Variants in DPP10 observed in about 807,000 individuals in gnomAD.
DPP10 encodes dipeptidyl peptidase like 10.
DPP10 carries 33 observed loss-of-function variants against 120.9 expected under a neutral mutation model. The ratio of observed to expected loss-of-function variants is 0.27; its 90% CI spans 0.21 to 0.37. The LOEUF is 0.37. DPP10 is among the 10% of genes least tolerant of loss of function. The pLI, the probability that DPP10 is intolerant of heterozygous loss-of-function variation, is 1.00. For synonymous variants in DPP10, 337 were observed against 326.1 expected (o/e 1.03, Z -0.36); for missense variants, 816 against 942.8 (o/e 0.87, Z 1.76).
chr2:114,876,049 A>C (rs991222354), intron 1 of DPP10, among the ~76,000 whole-genome samples: 5 of 152,136 alleles, frequency 3.3e-5, no homozygotes, highest in Non-Finnish European at 7.3e-5. Context: ...AACTACGGAT[A>C]AAGTAAATGA....
chr2:115,633,732 A>G (rs1280368285), intron 5 of DPP10, among the ~76,000 whole-genome samples: 1 of 151,854 alleles, frequency 6.6e-6, no homozygotes, highest in Non-Finnish European at 1.5e-5. Flanking sequence ...CTTCATTTCA[A>G]CCTTGGAGAA....
At chr2:115,292,306 CAT>C (rs2060691056) in intron 1 of DPP10, among the ~76,000 whole-genome samples, 1 of 152,170 alleles carries the variant, frequency 6.6e-6, no homozygotes, top group African/African-American at 2.4e-5. Context: ...ATTTATAATG[CAT>C]AGTCTAAACT....
chr2:115,067,043 T>C (rs1417296155), intron 1 of DPP10, among the ~76,000 whole-genome samples: 1 of 149,432 alleles, frequency 6.7e-6, no homozygotes, highest in Non-Finnish European at 1.5e-5. Flanking sequence ...TTTATGTCAT[T>C]TTACCAATGT....
chr2:115,690,714 T>G (rs1322366897), intron 7 of DPP10, among the ~76,000 whole-genome samples: 1 of 152,216 alleles, frequency 6.6e-6, no homozygotes, highest in Non-Finnish European at 1.5e-5. Flanking sequence ...GAGCCCCGCC[T>G]GCAATATTAT....
intron 3 of DPP10, among the ~76,000 whole-genome samples, chr2:115,350,531 G>A (rs2063956422): frequency 6.6e-6 from 1 of 152,076 alleles, no homozygotes; most frequent in Admixed American, 6.6e-5. Context: ...TATGGTAGAT[G>A]CATTCAGCTA....
At chr2:115,582,906 A>G (rs1010640985) in intron 5 of DPP10, among the ~76,000 whole-genome samples, 1 of 152,320 alleles carries the variant, frequency 6.6e-6, no homozygotes, top group East Asian at 1.9e-4. Context: ...AATATCTGGC[A>G]TCTACTAGGA....
chr2:114,525,804 A>T (rs541582711), intron 1 of DPP10, among the ~76,000 whole-genome samples: 2 of 152,308 alleles, frequency 1.3e-5, no homozygotes, highest in Admixed American at 1.3e-4. Flanking sequence ...TATTTAGCAA[A>T]TAGCCAAATC....
intron 13 of DPP10, among the ~76,000 whole-genome samples, chr2:115,775,571 G>C (rs1324479909): frequency 6.6e-6 from 1 of 151,978 alleles, no homozygotes; most frequent in Non-Finnish European, 1.5e-5. Context: ...TCCACATCAG[G>C]GAAAGGTTGT....
chr2:114,660,539 G>A (rs1227722120), intron 1 of DPP10, among the ~76,000 whole-genome samples: 1 of 152,128 alleles, frequency 6.6e-6, no homozygotes, highest in African/African-American at 2.4e-5. Context: ...TATAGGAAGT[G>A]CAAAGGGCTT....
At chr2:114,913,425 G>GA (rs1163033843) in intron 1 of DPP10, among the ~76,000 whole-genome samples, 7 of 152,172 alleles carry the variant, frequency 4.6e-5, no homozygotes, top group South Asian at 2.1e-4. Flanking sequence ...AGGGGCCAGA[G>GA]AAAAAAGCCG....
intron 1 of DPP10, among the ~76,000 whole-genome samples, chr2:115,074,636 G>A (rs1171043797): frequency 6.6e-6 from 1 of 152,174 alleles, no homozygotes; most frequent in African/African-American, 2.4e-5. Context: ...AAGGATGGGA[G>A]GGGAGCAAAT....
intron 1 of DPP10, among the ~76,000 whole-genome samples, chr2:114,646,651 C>T (rs777060795): frequency 2.0e-5 from 3 of 152,218 alleles, no homozygotes; most frequent in Non-Finnish European, 4.4e-5. Context: ...CTAAGTCCTA[C>T]TCATTTCCAA....
intron 1 of DPP10, among the ~76,000 whole-genome samples, chr2:114,948,162 C>T (rs770450079): frequency 3.3e-5 from 5 of 151,962 alleles, no homozygotes; most frequent in Non-Finnish European, 7.4e-5. Context: ...ATTCTGGGAG[C>T]GTGCTTTGAC....
At chr2:114,729,543 T>TAC (rs1676683968) in intron 1 of DPP10, among the ~76,000 whole-genome samples, 1 of 152,212 alleles carries the variant, frequency 6.6e-6, no homozygotes, top group East Asian at 1.9e-4. Flanking sequence ...AGCCCAAAGT[T>TAC]TGGTCCCCAC....
chr2:114,602,728 G>A lies in DPP10; in HGVS notation c.60+159890G>A, dbSNP rs533829077. Among the ~76,000 whole-genome samples the A allele has an allele frequency of 2.0e-5, 3 of 152,138 alleles. No individual in the cohort carries two copies. In the East Asian group the frequency reaches 5.8e-4, roughly 29 times the overall value. On this transcript the variant is annotated intron_variant, in intron 1 of 25. Transcript: ENST00000410059. The stretch of plus-strand genomic sequence containing the variant: ...TATTCTTCAATTTCATGAGTAGAGA[G>A]TGGTGTACGTGAGAATAATTTATAA...
chr2:115,653,946 C>G (rs2088044769), intron 5 of DPP10, among the ~76,000 whole-genome samples: 1 of 151,788 alleles, frequency 6.6e-6, no homozygotes, highest in African/African-American at 2.4e-5. Context: ...CCAAGGTCAC[C>G]CAGTTAATAA....
At chr2:115,002,320 A>C (rs150566521) in intron 1 of DPP10, among the ~76,000 whole-genome samples, 188 of 152,322 alleles carry the variant, frequency 1.2e-3, no homozygotes, top group Non-Finnish European at 2.2e-3. Flanking sequence ...GATTAGCCAT[A>C]CGGAGTGGTT....
intron 3 of DPP10, among the ~76,000 whole-genome samples, chr2:115,391,467 G>A (rs149866686): frequency 6.6e-6 from 1 of 152,258 alleles, no homozygotes; most frequent in African/African-American, 2.4e-5. Flanking sequence ...GAAGTAGTAT[G>A]TGAAATGGCT....
At chr2:115,827,233 T>C (rs1419510125) in intron 21 of DPP10, among the ~76,000 whole-genome samples, 1 of 151,184 alleles carries the variant, frequency 6.6e-6, no homozygotes. Flanking sequence ...TTTACTTCAC[T>C]CTTCAAGGTA....
Sources: allele counts gnomAD v4.1 joint callset (sites outside exome capture counted in the v4.1 genomes callset), GRCh38; gene constraint gnomAD v4.1.1; transcripts MANE v1.5; gene names NCBI Gene and HGNC (gene_info 2026-07-23, HGNC 2026-07-21).